Variants in SPIDR observed in about 807,000 individuals in gnomAD.
SPIDR encodes the protein scaffold protein involved in DNA repair.
In SPIDR, 93 loss-of-function variants were observed where a neutral mutation model predicts 104.6. The ratio of observed to expected loss-of-function variants is 0.89; its 90% CI spans 0.75 to 1.06. SPIDR has a LOEUF of 1.06. Ranked by LOEUF, SPIDR falls within the 50% of genes least tolerant of loss-of-function variation. The probability of loss-of-function intolerance (pLI) is 0.00; values close to 1 mark genes in which losing one functional copy is unlikely to be tolerated. For missense variants in SPIDR, 1,154 were observed against 1,111.2 expected (o/e 1.04, Z -0.55); for synonymous variants, 431 against 416.9 (o/e 1.03, Z -0.41).
intron 10 of SPIDR, among the ~76,000 whole-genome samples, chr8:47,611,635 T>C (rs1563311617): frequency 6.6e-6 from 1 of 151,918 alleles, no homozygotes; most frequent in Non-Finnish European, 1.5e-5. Flanking sequence ...GAGGCGGAGC[T>C]TGCAGTGAGC....
intron 16 of SPIDR, among the ~76,000 whole-genome samples, chr8:47,726,573 G>A (rs1226693167): frequency 6.6e-6 from 1 of 152,216 alleles, no homozygotes; most frequent in Non-Finnish European, 1.5e-5. Context: ...CCCTGCCATG[G>A]TGTGCAGAGT....
intron 5 of SPIDR, among the ~76,000 whole-genome samples, chr8:47,360,183 AG>A (rs2055508203): frequency 7.7e-6 from 1 of 129,886 alleles, no homozygotes; most frequent in Admixed American, 1.0e-4. Context: ...CGGAGGTTGC[AG>A]TGAGCGGAGA....
chr8:47,471,727 G>T (rs1298784802), intron 8 of SPIDR, among the ~76,000 whole-genome samples: 2 of 152,176 alleles, frequency 1.3e-5, no homozygotes, highest in Non-Finnish European at 2.9e-5. Flanking sequence ...AATAAAAATG[G>T]ATATAAAAAG....
At chr8:47,285,792 G>A (rs966920267) in intron 3 of SPIDR, among the ~76,000 whole-genome samples, 1 of 152,122 alleles carries the variant, frequency 6.6e-6, no homozygotes, top group Admixed American at 6.5e-5. Flanking sequence ...ACATTCTGAG[G>A]TACAGAAGGT....
At chr8:47,647,655 G>GAGAGAGAGAGAGGGAGA (rs1299640663) in intron 10 of SPIDR, among the ~76,000 whole-genome samples, 1 of 50,168 alleles carries the variant, frequency 2.0e-5, no homozygotes, top group Non-Finnish European at 4.0e-5. Flanking sequence ...AGAGAGAGAG[G>GAGAGAGAGAGAGGGAGA]GAGAGAGAGA....
At chr8:47,566,800 C>T (rs2057912383) in intron 8 of SPIDR, among the ~76,000 whole-genome samples, 1 of 151,786 alleles carries the variant, frequency 6.6e-6, no homozygotes. Flanking sequence ...AACAGGTGAG[C>T]CTCTTGTGGG....
At chr8:47,410,509 C>T (rs1554670507) in intron 7 of SPIDR, among the ~76,000 whole-genome samples, 1 of 151,972 alleles carries the variant, frequency 6.6e-6, no homozygotes, top group African/African-American at 2.4e-5. Context: ...ATCTGTGGGT[C>T]AATCCATTGT....
At chr8:47,593,262 A>T (rs1369522895) in intron 8 of SPIDR, among the ~76,000 whole-genome samples, 2 of 151,402 alleles carry the variant, frequency 1.3e-5, no homozygotes, top group Non-Finnish European at 2.9e-5. Flanking sequence ...TTTATCTTCG[A>T]CTTTATTGAT....
chr8:47,296,739 G>A (rs2040910082), intron 5 of SPIDR, among the ~76,000 whole-genome samples: 1 of 152,062 alleles, frequency 6.6e-6, no homozygotes, highest in African/African-American at 2.4e-5. Flanking sequence ...GGTTTTTTGT[G>A]GTTCCATATG....
At chr8:47,446,027 G>T (rs1554701382) in intron 8 of SPIDR, among the ~76,000 whole-genome samples, 1 of 152,206 alleles carries the variant, frequency 6.6e-6, no homozygotes, top group Non-Finnish European at 1.5e-5. Context: ...TTATCCAGAA[G>T]ATATAGCTAA....
intron 7 of SPIDR, among the ~76,000 whole-genome samples, chr8:47,430,297 C>T (rs2067135548): frequency 6.6e-6 from 1 of 152,158 alleles, no homozygotes; most frequent in Admixed American, 6.5e-5. Context: ...CAAACACCTC[C>T]TTGTATCTAG....
intron 3 of SPIDR, among the ~76,000 whole-genome samples, chr8:47,290,613 C>T (rs1300909062): frequency 2.0e-5 from 3 of 152,236 alleles, no homozygotes; most frequent in African/African-American, 7.2e-5. Context: ...GCTACCAGAG[C>T]TCTTAGCATG....
chr8:47,650,347 T>C (rs1266877175), intron 10 of SPIDR, among the ~76,000 whole-genome samples: 1 of 152,164 alleles, frequency 6.6e-6, no homozygotes, highest in Non-Finnish European at 1.5e-5. Context: ...ACCCAGTCTT[T>C]CTTAACAATA....
At chr8:47,471,625 G>C (rs1554721129) in intron 8 of SPIDR, among the ~76,000 whole-genome samples, 4 of 152,164 alleles carry the variant, frequency 2.6e-5, no homozygotes, top group Admixed American at 2.0e-4. Flanking sequence ...TCTGGAAGTA[G>C]ATAATGTTGA....
chr8:47,390,946 G>T (rs2060507249), intron 5 of SPIDR, among the ~76,000 whole-genome samples: 1 of 152,118 alleles, frequency 6.6e-6, no homozygotes. Context: ...AGTTGCCTTT[G>T]ACCTATTTCT....
At chr8:47,662,783 A>G (rs180801319) in intron 10 of SPIDR, among the ~76,000 whole-genome samples, 8 of 152,228 alleles carry the variant, frequency 5.3e-5, no homozygotes, top group Non-Finnish European at 1.2e-4. Context: ...TTTACCCGCA[A>G]GGTATTAGGG....
At chr8:47,398,676 C>G (rs1326285693) in intron 6 of SPIDR, among the ~76,000 whole-genome samples, 2 of 152,168 alleles carry the variant, frequency 1.3e-5, no homozygotes, top group Non-Finnish European at 2.9e-5. Context: ...ACGGGCAGGC[C>G]TGGCGTTGGA....
At chr8:47,430,418 C>T (rs2067153850) in intron 7 of SPIDR, among the ~76,000 whole-genome samples, 1 of 152,132 alleles carries the variant, frequency 6.6e-6, no homozygotes, top group Non-Finnish European at 1.5e-5. Context: ...ATTAGAATGT[C>T]CTTTATCGAT....
intron 10 of SPIDR, among the ~76,000 whole-genome samples, chr8:47,634,163 A>G (rs1364730426): frequency 1.5e-5 from 2 of 133,346 alleles, no homozygotes; most frequent in African/African-American, 5.5e-5. Flanking sequence ...TTGAAAAACA[A>G]CGAAAAAAGG....
Sources: allele counts gnomAD v4.1 joint callset (sites outside exome capture counted in the v4.1 genomes callset), GRCh38; gene constraint gnomAD v4.1.1; transcripts MANE v1.5; gene names NCBI Gene and HGNC (gene_info 2026-07-23, HGNC 2026-07-21).